Variants in SESN2 observed in about 807,000 individuals in gnomAD.
SESN2 encodes sestrin 2.
Under a neutral mutation model 56.0 loss-of-function variants are expected in SESN2, and 42 were observed. The ratio of observed to expected loss-of-function variants is 0.75; its 90% CI spans 0.59 to 0.97. The LOEUF (loss-of-function observed/expected upper bound fraction) is 0.97, where lower values mean the gene tolerates loss of function less well. SESN2 is among the 50% of genes least tolerant of loss of function. SESN2 has a pLI of 0.00. For synonymous variants in SESN2, 264 were observed against 267.1 expected, an observed-to-expected ratio of 0.99 and a Z score of 0.11; for missense variants, 507 against 649.4, an observed-to-expected ratio of 0.78 and a Z score of 2.38.
At chr1:28,277,942 G>A (rs1049378948) in intron 8 of SESN2, among the ~76,000 whole-genome samples, 2 of 152,120 alleles carry the variant, frequency 1.3e-5, no homozygotes, top group Non-Finnish European at 2.9e-5. Flanking sequence ...CTCCAACATG[G>A]TTCTTGCTCC....
In SESN2 at chr1:28,272,309, A is replaced by T. The variant is rs1313973814; in HGVS notation, c.380A>T (p.Tyr127Phe). ...IMAAARHQCS[Y>F]LVGSHMAEFL... ...GCTGCCGCCCGCCATCAGTGTTCTTACCTGGTAGGCTCCCACATGGCCGAG... is the reference window on the plus strand; with the variant it reads ...GCTGCCGCCCGCCATCAGTGTTCTTTCCTGGTAGGCTCCCACATGGCCGAG... Residue 127 changes from tyrosine (Y) to phenylalanine (F), a missense_variant, in exon 4 of 10, where the codon TAC (tyrosine) becomes TTC (phenylalanine). By Grantham distance (22) the Tyr-to-Phe change is conservative. Coordinates refer to ENST00000253063, the MANE Select transcript of SESN2 (RefSeq NM_031459.5). The T allele has an allele frequency of 6.2e-7, 1 of 1,613,956 alleles. No individual in the cohort carries two copies. Among genetic ancestry groups the T allele is most frequent in the Non-Finnish European group, 8.5e-7 (1 of 1,179,994 alleles).
At chr1:28,271,631 G>T (rs767976044) in intron 2 of SESN2, 43 bp from the exon 3 acceptor site, 18 of 1,505,616 alleles carry the variant, frequency 1.2e-5, no homozygotes, top group Non-Finnish European at 1.6e-5. Flanking sequence ...TTGATGAGTG[G>T]GGCAGGAGGG....
At position 28,272,448 on chromosome 1, in the gene SESN2, C is replaced by G; in HGVS notation, c.519C>G (p.Ile173Met). 6.2e-7 allele frequency: 1 copy of G among 1,613,146 alleles called. No homozygotes were observed. Among genetic ancestry groups the G allele is most frequent in the Non-Finnish European group, 8.5e-7 (1 of 1,179,944 alleles). Reference sequence around the variant, plus strand: ...TGCTGGCGCATCGGCCATGGCTCATCACCAAGGAACACATCCAGGTGCAGG... The same window carrying G: ...TGCTGGCGCATCGGCCATGGCTCATGACCAAGGAACACATCCAGGTGCAGG... ...NKLLAHRPWL[I>M]TKEHIQALLK... is the part of the protein sequence containing the mutation. The change falls in exon 4 of 10, where the codon ATC (isoleucine) becomes ATG (methionine). Residue 173 changes from isoleucine to methionine, a missense_variant. Coordinates refer to ENST00000253063, the MANE Select transcript of SESN2 (RefSeq NM_031459.5).
In SESN2 at chr1:28,260,030, C is replaced by G. The variant is rs528040651; in HGVS notation, c.90+93C>G. 5.5e-4 allele frequency: 526 copies of G among 955,620 alleles called. 1 individual carries two copies. The African/African-American group carries it at 5.8e-3, about 11-fold the overall frequency. The allele number at this position is 955,620 out of a possible 1,614,324, so 59.2% of individuals were successfully genotyped here. On this transcript the variant is annotated intron_variant, in intron 1 of 9. Coordinates refer to ENST00000253063, the MANE Select transcript of SESN2 (RefSeq NM_031459.5). ...CGGAGCTGAGTCGGTGTGTCCTGGG[C>G]TCGGGGAGGGAAAGCCGAGCGCGTA... is the stretch of plus-strand genomic sequence containing the variant.
In SESN2 at chr1:28,280,799, C is replaced by A. The variant is rs761454991; in HGVS notation, c.1440C>A (p.Thr480=). The A allele has an allele frequency of 6.2e-7, 1 of 1,612,764 alleles. No homozygotes were observed. Among genetic ancestry groups the A allele is most frequent in the Non-Finnish European group, 8.5e-7 (1 of 1,179,298 alleles). ...YALRAITRYM[T] is the part of the protein sequence containing the mutation. ...TCCGTGCCATCACCCGCTACATGAC[C>A]TGACTCCTGAGCAGGACCTGGGCCC... Residue 480 remains threonine, a synonymous_variant, in exon 10 of 10, where the codon ACC becomes ACA. Coordinates refer to ENST00000253063, the MANE Select transcript of SESN2 (RefSeq NM_031459.5).
chr1:28,273,429 G>A lies in SESN2; in HGVS notation c.822G>A (p.Arg274=), dbSNP rs1338549026. 8 of 1,611,740 alleles carry A rather than the reference G, an allele frequency of 5.0e-6. No homozygotes were observed. Among genetic ancestry groups the A allele is most frequent in the Non-Finnish European group, 6.8e-6 (8 of 1,179,480 alleles). ...RMQQLQESLL[R]DEGTSQEEME... The stretch of plus-strand genomic sequence containing the variant: ...AGCAGCTGCAGGAGAGCCTGCTGCG[G>A]GATGAGGGGACGTCCCAGGAGGAGA... The change falls in exon 6 of 10, where the codon CGG becomes CGA. Residue 274 remains arginine (R), a synonymous_variant. Transcript: ENST00000253063.
In SESN2 at chr1:28,281,645, C is replaced by T. The variant is rs1235088120; in HGVS notation, c.*843C>T. Reference sequence around the variant, plus strand: ...TGTTCTCCCAGAGCTGCACCTGCCTCGCAGAGGCCAGCACCCCACTCTCCT... The same window carrying T: ...TGTTCTCCCAGAGCTGCACCTGCCTTGCAGAGGCCAGCACCCCACTCTCCT... On this transcript the variant is annotated 3_prime_UTR_variant, in exon 10 of 10. Transcript: ENST00000253063. The T allele has an allele frequency of 3.9e-5, 6 of 152,338 alleles. No individual in the cohort carries two copies. The highest frequency in any genetic ancestry group is 1.9e-4 in the East Asian group (1 of 5,184). The allele number at this position is 152,338 out of a possible 1,614,324, so 9.4% of individuals were successfully genotyped here.
chr1:28,273,658 C>A, intron 6 of SESN2, 150 bp downstream of exon 6: 1 of 751,514 alleles, frequency 1.3e-6, no homozygotes, highest in Non-Finnish European at 2.1e-6. Flanking sequence ...TCAGACCTGG[C>A]TTTGAATCCT....
At chr1:28,266,770 C>T (rs1647573808) in intron 1 of SESN2, among the ~76,000 whole-genome samples, 2 of 152,078 alleles carry the variant, frequency 1.3e-5, no homozygotes, top group Admixed American at 1.3e-4. Context: ...GTTGCCCAGG[C>T]TGGTCTCGAA....
chr1:28,271,251 T>C (rs1274005599), intron 2 of SESN2, among the ~76,000 whole-genome samples: 1 of 152,090 alleles, frequency 6.6e-6, no homozygotes, highest in African/African-American at 2.4e-5. Flanking sequence ...ACTCAGGAAA[T>C]GTGAACTATT....
chr1:28,268,441 G>A (rs1178183747), intron 1 of SESN2, among the ~76,000 whole-genome samples: 3 of 152,050 alleles, frequency 2.0e-5, no homozygotes, highest in African/African-American at 7.2e-5. Flanking sequence ...TGAGGTGGGC[G>A]GATCACCTGA....
chr1:28,280,587 G>A (rs59149682), intron 9 of SESN2, 129 bp from the exon 10 acceptor site: 7 of 727,464 alleles, frequency 9.6e-6, no homozygotes, highest in Admixed American at 9.4e-5. Flanking sequence ...CAGAGCCTTA[G>A]CAGATGCTGG....
intron 1 of SESN2, among the ~76,000 whole-genome samples, chr1:28,262,132 C>T (rs192349618): frequency 4.6e-5 from 7 of 152,092 alleles, no homozygotes; most frequent in African/African-American, 7.2e-5. Context: ...GACCTTCGGA[C>T]GGTTTCTGCT....
At position 28,281,480 on chromosome 1, in the gene SESN2, G is replaced by A. The variant is rs1231809352; in HGVS notation, c.*678G>A. 1 of 152,010 alleles carries A rather than the reference G, an allele frequency of 6.6e-6. No individual in the cohort carries two copies. The highest frequency in any genetic ancestry group is 6.6e-5 in the Admixed American group (1 of 15,258). 9.4% of individuals were successfully genotyped at this position (152,010 alleles called of 1,614,324 possible). A position where few individuals can be genotyped will look rare whatever the true frequency, so the allele number is the denominator to read the frequency against. On this transcript the variant is annotated 3_prime_UTR_variant, in exon 10 of 10. Coordinates refer to ENST00000253063, the MANE Select transcript of SESN2 (RefSeq NM_031459.5). ...AAAAAAAAAGCAGATTATCTCTAGA[G>A]AGTTTGAGCCTTTGCTGGTCACATT...
At chr1:28,273,566 T>G in intron 6 of SESN2, 58 bp downstream of exon 6, 1 of 1,434,924 alleles carries the variant, frequency 7.0e-7, no homozygotes, top group Non-Finnish European at 9.3e-7. Context: ...CTATCTCTGG[T>G]GAGGAGGAGC....
In SESN2 at chr1:28,269,227, C is replaced by G; in HGVS notation, c.135C>G (p.Ser45Arg). ...SRARRGPRGP[S>R]AFIPVEEVLR... ...CTCGGCGAGGCCCTCGAGGGCCCAG[C>G]GCCTTCATCCCCGTGGAGGAGGTAA... Residue 45 changes from serine to arginine, a missense_variant, in exon 2 of 10, where the codon AGC (serine) becomes AGG (arginine). Ser to Arg is a moderately radical substitution (Grantham distance 110, BLOSUM62 -1). Coordinates refer to ENST00000253063, the MANE Select transcript of SESN2 (RefSeq NM_031459.5). The G allele has an allele frequency of 6.2e-7, 1 of 1,612,626 alleles. No homozygotes were observed.
chr1:28,266,746 A>G (rs972521751), intron 1 of SESN2, among the ~76,000 whole-genome samples: 13 of 152,002 alleles, frequency 8.6e-5, no homozygotes, highest in Non-Finnish European at 1.8e-4. Context: ...TTGTGGAGAC[A>G]GGGGTCTCAC....
At chr1:28,273,962 C>G (rs148061169) in intron 6 of SESN2, 78 bp from the exon 7 acceptor site, 109 of 960,806 alleles carry the variant, frequency 1.1e-4, no homozygotes, top group Non-Finnish European at 1.6e-4. Context: ...TTCCCCTCCC[C>G]CTTTTGGTGA....
At chr1:28,275,555 C>T (rs949154620) in intron 8 of SESN2, among the ~76,000 whole-genome samples, 1 of 147,842 alleles carries the variant, frequency 6.8e-6, no homozygotes, top group Non-Finnish European at 1.5e-5. Flanking sequence ...GAGTTCGAGA[C>T]CAGCCTGACC....
Sources: gnomAD v4.1 joint callset for allele counts (sites outside exome capture counted in the v4.1 genomes callset) on GRCh38, gnomAD v4.1.1 for gene constraint, MANE v1.5 for transcripts, NCBI Gene and HGNC (gene_info 2026-07-23, HGNC 2026-07-21) for gene names.